OPN4: variants seen among roughly 807,000 people sequenced by gnomAD.
The protein encoded by OPN4 is opsin 4.
A neutral mutation model predicts 49.5 loss-of-function variants in OPN4; 43 were observed. The ratio of observed to expected loss-of-function variants is 0.87; its 90% confidence interval spans 0.68 to 1.12. The LOEUF is 1.12. Among genes scored for constraint, OPN4 ranks in the 50% most tolerant of loss-of-function variants. The pLI is 0.00. For missense variants in OPN4, 657 were observed against 643.9 expected, an observed-to-expected ratio of 1.02 and a Z score of -0.22; for synonymous variants, 263 against 258.0, an observed-to-expected ratio of 1.02 and a Z score of -0.19.
Position 86,654,610 on chromosome 10 carries a change from C to T in OPN4, c.-174C>T, listed in dbSNP as rs999001420. ...TCACCAGACACAGAGCAACCGCCAG[C>T]CCCAAGAGCAGCTCCAGGCTGGATC... On this transcript the variant is annotated 5_prime_UTR_variant, in exon 1 of 10. Transcript: ENST00000241891. The T allele has an allele frequency of 1.7e-5, 14 of 825,764 alleles. No homozygotes were observed. In the African/African-American group the frequency reaches 2.4e-4, roughly 14 times the overall value. 51.2% of individuals were successfully genotyped at this position (825,764 alleles called of 1,614,324 possible).
At chr10:86,657,342 C>T (rs532753555) in intron 2 of OPN4, 20 of 725,314 alleles carry the variant, frequency 2.8e-5, no homozygotes, top group Admixed American at 1.6e-4. Flanking sequence ...GACAATGACG[C>T]CTCCCTCAGG....
intron 2 of OPN4, 94 bp downstream of exon 2, chr10:86,656,394 G>A: frequency 6.9e-7 from 1 of 1,444,824 alleles, no homozygotes. Context: ...CTCTAGCTCT[G>A]GCCAGGGCAC....
At chr10:86,664,002 C>A in intron 9 of OPN4, 200 bp downstream of exon 9, 2 of 605,548 alleles carry the variant, frequency 3.3e-6, no homozygotes, top group Non-Finnish European at 5.8e-6. Context: ...GCAGGGCCTG[C>A]ATATGGTCTG....
At position 86,658,583 on chromosome 10, in the gene OPN4, C is replaced by T. The variant is rs370421133; in HGVS notation, c.524C>T (p.Pro175Leu). Reference sequence around the variant, plus strand: ...GACCGCTACCTGGTAATCACACGCCCGCTGGCCACCTTTGGTGTGGCGTCC... The same window carrying T: ...GACCGCTACCTGGTAATCACACGCCTGCTGGCCACCTTTGGTGTGGCGTCC... Reference protein sequence around the residue: ...ALDRYLVITRPLATFGVASKR... With the variant: ...ALDRYLVITRLLATFGVASKR... The change falls in exon 4 of 10, where the codon CCG (proline) becomes CTG (leucine). Residue 175 changes from proline to leucine, a missense_variant. By Grantham distance (98) the Pro-to-Leu change is moderately conservative. Transcript: ENST00000241891. The T allele has an allele frequency of 3.2e-5, 52 of 1,614,090 alleles. No homozygotes were observed. The highest frequency in any genetic ancestry group is 1.5e-4 in the Admixed American group (9 of 60,012).
rs779007015 is a variant in OPN4, at chr10:86,656,108, G to C, written c.145-47G>C. 3 of 1,613,262 alleles carry C rather than the reference G, an allele frequency of 1.9e-6. No homozygotes were observed. In the South Asian group the frequency reaches 3.3e-5, roughly 18 times the overall value. The stretch of plus-strand genomic sequence containing the variant: ...CTCTTCCTTCTCAGGACTATTTGAA[G>C]GTGACAAGCGATAACATGATTCCCT... On this transcript the variant is annotated intron_variant, in intron 1 of 9. Coordinates refer to ENST00000241891, the MANE Select transcript of OPN4 (RefSeq NM_033282.4).
intron 2 of OPN4, among the ~76,000 whole-genome samples, chr10:86,656,969 G>A (rs1195235279): frequency 3.6e-5 from 5 of 140,704 alleles, no homozygotes. Flanking sequence ...AAAAAAAAGA[G>A]CAGCCCTGGG....
In OPN4 at chr10:86,659,424, C is replaced by A; in HGVS notation, c.756C>A (p.Ile252=). 6.2e-7 allele frequency: 1 copy of A among 1,614,100 alleles called. No individual in the cohort carries two copies. The part of the protein sequence containing the change: ...FVFFLPLLII[I]YCYIFIFRAI... ...TCTTCCTCCCTCTGCTTATCATCAT[C>A]TACTGCTACATCTTCATCTTCAGGG... Residue 252 remains isoleucine (I), a synonymous_variant, in exon 5 of 10, where the codon ATC becomes ATA. Coordinates refer to ENST00000241891, the MANE Select transcript of OPN4 (RefSeq NM_033282.4).
At position 86,658,615 on chromosome 10, in the gene OPN4, C is replaced by A. The variant is rs775935528; in HGVS notation, c.556C>A (p.Arg186Ser). The stretch of plus-strand genomic sequence containing the variant: ...CACCTTTGGTGTGGCGTCCAAGAGG[C>A]GTGCGGCATTTGTCCTGCTGGGCGT... ...LATFGVASKR[R>S]AAFVLLGVWL... The change falls in exon 4 of 10, where the codon CGT (arginine) becomes AGT (serine). Residue 186 changes from arginine (R) to serine (S), a missense_variant. Arg to Ser is a moderately radical substitution (Grantham distance 110, BLOSUM62 -1). Coordinates refer to ENST00000241891, the MANE Select transcript of OPN4 (RefSeq NM_033282.4). 6.2e-7 allele frequency: 1 copy of A among 1,614,050 alleles called. No individual in the cohort carries two copies. The highest frequency in any genetic ancestry group is 8.5e-7 in the Non-Finnish European group (1 of 1,180,054).
At chr10:86,660,996 G>A (rs556742902) in intron 6 of OPN4, among the ~76,000 whole-genome samples, 3 of 152,220 alleles carry the variant, frequency 2.0e-5, no homozygotes, top group South Asian at 4.2e-4. Flanking sequence ...GTGTGGTGAC[G>A]GGCACCTGTA....
chr10:86,661,555 C>T (rs1438797898), intron 7 of OPN4, among the ~76,000 whole-genome samples, 167 bp downstream of exon 7: 1 of 152,134 alleles, frequency 6.6e-6, no homozygotes, highest in Admixed American at 6.5e-5. Flanking sequence ...GTGTGCCTCC[C>T]TCCCCCGCCC....
At chr10:86,655,402 C>G (rs1282444475) in intron 1 of OPN4, among the ~76,000 whole-genome samples, 1 of 152,178 alleles carries the variant, frequency 6.6e-6, no homozygotes, top group African/African-American at 2.4e-5. Flanking sequence ...CCCTCAGGAC[C>G]TGGGGATGCT....
In OPN4 at chr10:86,654,817, AG is replaced by A; in HGVS notation, c.35del (p.Ser12ThrfsTer65). 1 of 1,163,578 alleles carries A rather than the reference AG, an allele frequency of 8.6e-7. No homozygotes were observed. Among genetic ancestry groups the A allele is most frequent in the Non-Finnish European group, 1.2e-6 (1 of 807,884 alleles). 72.1% of individuals were successfully genotyped at this position (1,163,578 alleles called of 1,614,324 possible). A position where few individuals can be genotyped will look rare whatever the true frequency, so the allele number is the denominator to read the frequency against. The stretch of plus-strand genomic sequence containing the variant: ...TCCTTCGGGGCCAAGAGTCCCGCCC[AG>A]CCCAACCCAAGAGCCCAGCTGCATG... ...NPPSGPRVPP[S>X]PTQEPSCMAT... On this transcript the variant is annotated frameshift_variant, in exon 1 of 10. Transcript: ENST00000241891. LOFTEE classifies it high-confidence loss of function.
chr10:86,659,173 G>A (rs1319060699), intron 4 of OPN4, 124 bp from the exon 5 acceptor site: 1 of 716,298 alleles, frequency 1.4e-6, no homozygotes, highest in Non-Finnish European at 2.3e-6. Context: ...TCACTGCATG[G>A]GACAGGGCCA....
At chr10:86,665,682 A>G in intron 9 of OPN4, 31 bp from the exon 10 acceptor site, 2 of 1,608,664 alleles carry the variant, frequency 1.2e-6, no homozygotes, top group Middle Eastern at 3.3e-4. Flanking sequence ...ACTGCTCCTC[A>G]GCTAAACAGA....
intron 8 of OPN4, among the ~76,000 whole-genome samples, chr10:86,662,827 A>G (rs115090280): frequency 2.0e-3 from 312 of 152,396 alleles, no homozygotes; most frequent in African/African-American, 6.9e-3. Flanking sequence ...GCTCCTCAGC[A>G]TTAAGCCCCC....
intron 7 of OPN4, among the ~76,000 whole-genome samples, chr10:86,662,022 C>T (rs1439368966): frequency 6.6e-6 from 1 of 152,134 alleles, no homozygotes; most frequent in Admixed American, 6.5e-5. Flanking sequence ...TGCCTACCAC[C>T]CAGAATCTCT....
In OPN4 at chr10:86,660,025, C is replaced by G; in HGVS notation, c.931C>G (p.Pro311Ala). 1 of 1,614,194 alleles carries G rather than the reference C, an allele frequency of 6.2e-7. No individual in the cohort carries two copies. Residue 311 changes from proline to alanine, a missense_variant, in exon 6 of 10, where the codon CCC becomes GCC. Coordinates refer to ENST00000241891, the MANE Select transcript of OPN4 (RefSeq NM_033282.4). ...CCTCCTCTTCGTGCTCTCCTGGGCT[C>G]CCTATTCCGCTGTGGCCCTGGTGGC... ...VILLFVLSWA[P>A]YSAVALVAFA...
rs202029105 is a variant in OPN4, at chr10:86,656,258, C to T, written c.248C>T (p.Thr83Met). 4.0e-5 allele frequency: 64 copies of T among 1,612,998 alleles called. No homozygotes were observed. In the Middle Eastern group the frequency reaches 6.6e-4, roughly 17 times the overall value. The change falls in exon 2 of 10, where the codon ACG (threonine) becomes ATG (methionine). Residue 83 changes from threonine (T) to methionine (M), a missense_variant. Thr to Met is a moderately conservative substitution (Grantham distance 81, BLOSUM62 -1). Coordinates refer to ENST00000241891, the MANE Select transcript of OPN4 (RefSeq NM_033282.4). Reference protein sequence around the residue: ...LGTVILLVGLTGMLGNLTVIY... With the variant: ...LGTVILLVGLMGMLGNLTVIY... ...ACAGTGATCTTGCTGGTGGGACTCACGGGGATGCTGGGCAACCTGACGGTC... is the reference window on the plus strand; with the variant it reads ...ACAGTGATCTTGCTGGTGGGACTCATGGGGATGCTGGGCAACCTGACGGTC...
chr10:86,661,498 A>C, intron 7 of OPN4, 110 bp downstream of exon 7: 1 of 778,636 alleles, frequency 1.3e-6, no homozygotes, highest in East Asian at 2.7e-5. Context: ...AATGGGGGCC[A>C]CCAGCAGCTG....
Sources: allele counts gnomAD v4.1 joint callset (sites outside exome capture counted in the v4.1 genomes callset), GRCh38; gene constraint gnomAD v4.1.1; transcripts MANE v1.5; gene names NCBI Gene and HGNC (gene_info 2026-07-23, HGNC 2026-07-21).